UBP1: variants seen among roughly 807,000 people sequenced by gnomAD.
UBP1 encodes the protein upstream-binding protein 1.
Under a neutral mutation model 76.1 loss-of-function variants are expected in UBP1, and 22 were observed. That is an observed-to-expected ratio of 0.29 (90% CI 0.21 to 0.41). The LOEUF (loss-of-function observed/expected upper bound fraction) is 0.41. Among genes scored for constraint, UBP1 ranks in the 10% least tolerant of loss-of-function variants. The pLI is 1.00. For missense variants in UBP1, 436 were observed against 668.1 expected, an observed-to-expected ratio of 0.65 and a Z score of 3.83; for synonymous variants, 224 against 237.1, an observed-to-expected ratio of 0.94 and a Z score of 0.51.
At chr3:33,418,440 G>A (rs980673621) in intron 2 of UBP1, among the ~76,000 whole-genome samples, 2 of 151,698 alleles carry the variant, frequency 1.3e-5, no homozygotes, top group African/African-American at 4.8e-5. Flanking sequence ...TTATTTTTTA[G>A]TAGAGACAGG....
At position 33,432,836 on chromosome 3, in the gene UBP1, C is replaced by T. The variant is rs114958201; in HGVS notation, c.113+6900G>A. Among the ~76,000 whole-genome samples, 1,387 of 152,172 alleles carry T rather than the reference C, an allele frequency of 9.1e-3. 19 individuals are homozygous for T. Among genetic ancestry groups the T allele is most frequent in the African/African-American group, 0.031 (1,294 of 41,512 alleles). On this transcript the variant is annotated intron_variant, in intron 1 of 15. Coordinates refer to ENST00000283629, the MANE Select transcript of UBP1 (RefSeq NM_014517.5). Reference sequence around the variant, plus strand: ...TTGTAATTTAGATAACAGTATTGCACCAAGTCTAATTTCTTGATTTTGACA... The same window carrying T: ...TTGTAATTTAGATAACAGTATTGCATCAAGTCTAATTTCTTGATTTTGACA...
intron 14 of UBP1, 126 bp downstream of exon 14, chr3:33,393,186 C>G: frequency 9.6e-7 from 1 of 1,039,308 alleles, no homozygotes; most frequent in South Asian, 2.1e-5. Context: ...AAGTGATTCC[C>G]AACTCTCTGA....
At chr3:33,405,435 T>C (rs537419291) in intron 8 of UBP1, among the ~76,000 whole-genome samples, 7 of 152,348 alleles carry the variant, frequency 4.6e-5, no homozygotes, top group East Asian at 1.9e-4. Context: ...CGCCAGAACA[T>C]TGCCTCCTTT....
chr3:33,424,018 A>G (rs911716543), intron 2 of UBP1, among the ~76,000 whole-genome samples: 1 of 152,236 alleles, frequency 6.6e-6, no homozygotes, highest in Non-Finnish European at 1.5e-5. Context: ...AATTCATTCC[A>G]TGGTATGTAT....
chr3:33,436,247 A>T (rs1302536155), intron 1 of UBP1, among the ~76,000 whole-genome samples: 1 of 152,252 alleles, frequency 6.6e-6, no homozygotes, highest in East Asian at 1.9e-4. Context: ...TACCTCAGTT[A>T]TCACTGTGGT....
intron 8 of UBP1, chr3:33,403,289 T>TA (rs560444038): frequency 1.3e-3 from 316 of 245,968 alleles, no homozygotes; most frequent in Admixed American, 3.3e-3. Context: ...AAAGGATTTA[T>TA]AAGCAACATC....
In UBP1 at chr3:33,394,191, T is replaced by TTTATTATTATTATTA. The variant is rs148929407; in HGVS notation, c.1391-752_1391-738dup. Among the ~76,000 whole-genome samples, 324 of 143,414 alleles carry TTTATTATTATTATTA rather than the reference T, an allele frequency of 2.3e-3. 2 individuals are homozygous for TTTATTATTATTATTA. Among genetic ancestry groups the TTTATTATTATTATTA allele is most frequent in the South Asian group, 0.01 (47 of 4,484 alleles). The allele number at this position is 143,414 out of a possible 152,430, so 94.1% of individuals were successfully genotyped here. On this transcript the variant is annotated intron_variant, in intron 13 of 15. Coordinates refer to ENST00000283629, the MANE Select transcript of UBP1 (RefSeq NM_014517.5). ...CACACGCCACCATGCCTGGCTAATT[T>TTTATTATTATTATTA]TTATTATTATTATTATTATTATTAT...
intron 3 of UBP1, among the ~76,000 whole-genome samples, chr3:33,415,801 G>A (rs1484316562): frequency 3.3e-5 from 5 of 151,430 alleles, no homozygotes; most frequent in Non-Finnish European, 5.9e-5. Flanking sequence ...AACAATCAGA[G>A]AAAGCACATT....
At chr3:33,430,126 T>G (rs1036323077) in intron 1 of UBP1, among the ~76,000 whole-genome samples, 3 of 152,160 alleles carry the variant, frequency 2.0e-5, no homozygotes, top group African/African-American at 7.2e-5. Flanking sequence ...ACACATATAT[T>G]CTTGAAAGTA....
chr3:33,436,217 C>T (rs1415000238), intron 1 of UBP1, among the ~76,000 whole-genome samples: 1 of 152,190 alleles, frequency 6.6e-6, no homozygotes, highest in African/African-American at 2.4e-5. Context: ...TGTTTAAATT[C>T]AACCAATTAA....
intron 11 of UBP1, 181 bp from the exon 12 acceptor site, chr3:33,397,316 C>T: frequency 2.1e-6 from 1 of 475,466 alleles, no homozygotes; most frequent in South Asian, 4.0e-5. Context: ...AAGGAAAATG[C>T]TGGCTTTTCC....
At chr3:33,394,053 GT>G (rs2043870796) in intron 13 of UBP1, among the ~76,000 whole-genome samples, 8 of 151,542 alleles carry the variant, frequency 5.3e-5, no homozygotes, top group Non-Finnish European at 1.2e-4. Context: ...GTCCTTTTTT[GT>G]TGCCCAGGCT....
In UBP1 at chr3:33,401,019, G is replaced by C; in HGVS notation, c.1032-3C>G. Reference sequence around the variant, plus strand: ...GATGATTTGGGGAAGAAGAATTGCTGGGGAGAAAGGAGAAAGAAGGAAATG... The same window carrying C: ...GATGATTTGGGGAAGAAGAATTGCTCGGGAGAAAGGAGAAAGAAGGAAATG... On this transcript the variant is annotated splice_polypyrimidine_tract_variant and splice_region_variant and intron_variant, in intron 9 of 15. Transcript: ENST00000283629. 4 of 1,586,662 alleles carry C rather than the reference G, an allele frequency of 2.5e-6. No individual in the cohort carries two copies. Among genetic ancestry groups the C allele is most frequent in the Non-Finnish European group, 3.4e-6 (4 of 1,169,952 alleles).
intron 2 of UBP1, among the ~76,000 whole-genome samples, chr3:33,421,617 G>T (rs1314985058): frequency 6.6e-6 from 1 of 152,120 alleles, no homozygotes; most frequent in Non-Finnish European, 1.5e-5. Context: ...GGTTCAAAAA[G>T]AACTCAAAAA....
chr3:33,432,134 A>G (rs1447753506), intron 1 of UBP1, among the ~76,000 whole-genome samples: 5 of 152,178 alleles, frequency 3.3e-5, no homozygotes, highest in African/African-American at 9.7e-5. Context: ...CAGCCTGGGT[A>G]ACATGGTGAA....
intron 8 of UBP1, among the ~76,000 whole-genome samples, chr3:33,406,967 A>G (rs1306806344): frequency 6.6e-6 from 1 of 152,218 alleles, no homozygotes; most frequent in African/African-American, 2.4e-5. Context: ...CGACTCTAAC[A>G]GTAAGTCTGG....
intron 8 of UBP1, among the ~76,000 whole-genome samples, chr3:33,404,510 G>C (rs1052549494): frequency 1.3e-5 from 2 of 151,374 alleles, no homozygotes; most frequent in African/African-American, 4.8e-5. Flanking sequence ...AGCCAGGTAT[G>C]GTGGAGCACA....
chr3:33,423,535 A>G lies in UBP1; in HGVS notation c.265+2055T>C, dbSNP rs139915935. The stretch of plus-strand genomic sequence containing the variant: ...AAGAAAATCACCTGCCCTTACATTG[A>G]TTATATTCAAGTGAGGTATCACCTG... On this transcript the variant is annotated intron_variant, in intron 2 of 15. Transcript: ENST00000283629. Among the ~76,000 whole-genome samples, 882 of 152,294 alleles carry G rather than the reference A, an allele frequency of 5.8e-3. 13 individuals are homozygous for G. Among genetic ancestry groups the G allele is most frequent in the Middle Eastern group, 0.037 (11 of 294 alleles).
chr3:33,402,678 C>T (rs2044273497), intron 9 of UBP1, 123 bp downstream of exon 9: 1 of 637,232 alleles, frequency 1.6e-6, no homozygotes, highest in Non-Finnish European at 2.4e-6. Flanking sequence ...ATACAGGATA[C>T]TTCCCCTTAC....
Sources: allele counts gnomAD v4.1 joint callset (sites outside exome capture counted in the v4.1 genomes callset), GRCh38; gene constraint gnomAD v4.1.1; transcripts MANE v1.5; gene names NCBI Gene and HGNC (gene_info 2026-07-23, HGNC 2026-07-21).